The following SLC9A9 variants were observed in gnomAD, a reference collection of about 807,000 sequenced individuals.
SLC9A9 encodes sodium/hydrogen exchanger 9.
A neutral mutation model predicts 77.8 loss-of-function variants in SLC9A9; 62 were observed. That is an observed-to-expected ratio of 0.80 (90% CI 0.65 to 0.98). The LOEUF (loss-of-function observed/expected upper bound fraction) is 0.98. Ranked by LOEUF, SLC9A9 falls within the 50% of genes least tolerant of loss-of-function variation. The pLI, the probability that SLC9A9 is intolerant of heterozygous loss-of-function variation, is 0.00. For missense variants in SLC9A9, 775 were observed against 774.9 expected (o/e 1.00, Z 0.00); for synonymous variants, 320 against 283.5 (o/e 1.13, Z -1.29).
At chr3:143,657,128 GATTTTGC>G (rs1428734512) in intron 5 of SLC9A9, among the ~76,000 whole-genome samples, 1 of 152,124 alleles carries the variant, frequency 6.6e-6, no homozygotes, top group East Asian at 1.9e-4. Context: ...TGCATGGATT[GATTTTGC>G]CAGTCAAGCT....
chr3:143,542,385 T>C (rs961324793), intron 9 of SLC9A9, among the ~76,000 whole-genome samples: 4 of 152,234 alleles, frequency 2.6e-5, no homozygotes, highest in African/African-American at 9.6e-5. Context: ...CTATGCTTTA[T>C]GAAGATATCT....
rs545712949 is a variant in SLC9A9 at position 143,526,198 on chromosome 3, T to C, written c.1089+26164A>G. On this transcript the variant is annotated intron_variant, in intron 9 of 15. Transcript: ENST00000316549. ...TCAAACCACAGTCACATCTTCTTGT[T>C]TGGGGAAGATAGTGGGCAAAGCAGA... Among the ~76,000 whole-genome samples, 3 of 152,280 alleles carry C rather than the reference T, an allele frequency of 2.0e-5. No individual in the cohort carries two copies. The South Asian group carries it at 6.2e-4, about 32-fold the overall frequency.
intron 4 of SLC9A9, among the ~76,000 whole-genome samples, chr3:143,791,618 G>A (rs767581): frequency 0.011 from 1,689 of 152,222 alleles, 24 homozygotes; most frequent in African/African-American, 0.039. Flanking sequence ...CAACGTTCCT[G>A]GCACCCATCA....
intron 4 of SLC9A9, among the ~76,000 whole-genome samples, chr3:143,698,847 C>T (rs1015778401): frequency 3.4e-4 from 52 of 152,182 alleles, no homozygotes; most frequent in African/African-American, 1.2e-3. Context: ...AGAAAAGCCA[C>T]GTCCCTGACT....
chr3:143,493,888 G>A (rs2035791076), intron 10 of SLC9A9, 124 bp from the exon 11 acceptor site: 2 of 739,160 alleles, frequency 2.7e-6, no homozygotes, highest in Non-Finnish European at 4.8e-6. Flanking sequence ...AAATAAACAT[G>A]TCAATTCACA....
intron 9 of SLC9A9, among the ~76,000 whole-genome samples, chr3:143,542,040 G>A (rs1404198196): frequency 6.6e-6 from 1 of 152,180 alleles, no homozygotes. Flanking sequence ...ATATATGTTG[G>A]TCGTGGAGTA....
chr3:143,605,397 G>A (rs2037904523), intron 6 of SLC9A9, among the ~76,000 whole-genome samples: 1 of 152,190 alleles, frequency 6.6e-6, no homozygotes, highest in Admixed American at 6.5e-5. Context: ...TGGAACCCAG[G>A]AGAATGATGG....
chr3:143,414,752 A>G (rs1314050460), intron 12 of SLC9A9, among the ~76,000 whole-genome samples: 1 of 152,212 alleles, frequency 6.6e-6, no homozygotes, highest in Non-Finnish European at 1.5e-5. Flanking sequence ...TAAGCCAATT[A>G]ACATCACTAC....
chr3:143,557,587 C>T (rs2037009206), intron 8 of SLC9A9, among the ~76,000 whole-genome samples: 1 of 152,140 alleles, frequency 6.6e-6, no homozygotes, highest in African/African-American at 2.4e-5. Flanking sequence ...ATGACTTTGA[C>T]TAAAATGCTG....
intron 2 of SLC9A9, among the ~76,000 whole-genome samples, chr3:143,823,826 T>G (rs1348146357): frequency 6.6e-6 from 1 of 152,062 alleles, no homozygotes. Flanking sequence ...TGTCCATATC[T>G]TAGAGAATGG....
At chr3:143,798,604 T>A (rs1560084834) in intron 2 of SLC9A9, among the ~76,000 whole-genome samples, 1 of 152,168 alleles carries the variant, frequency 6.6e-6, no homozygotes, top group Non-Finnish European at 1.5e-5. Context: ...AATCTAAGCA[T>A]TTTATTTTCT....
chr3:143,592,660 T>C (rs2037671511), intron 6 of SLC9A9, among the ~76,000 whole-genome samples: 1 of 152,204 alleles, frequency 6.6e-6, no homozygotes, highest in South Asian at 2.1e-4. Flanking sequence ...GGTAACACCA[T>C]GAAGCATACA....
intron 2 of SLC9A9, among the ~76,000 whole-genome samples, chr3:143,827,275 A>T (rs998909544): frequency 1.3e-5 from 2 of 152,152 alleles, no homozygotes; most frequent in African/African-American, 4.8e-5. Flanking sequence ...CAATTTGACA[A>T]ATGGTGGTGG....
chr3:143,658,254 A>G (rs2038926322), intron 5 of SLC9A9, among the ~76,000 whole-genome samples: 1 of 152,212 alleles, frequency 6.6e-6, no homozygotes, highest in Non-Finnish European at 1.5e-5. Context: ...GATACCAAAA[A>G]TCTTGAGAAC....
At chr3:143,533,683 G>A (rs1460191886) in intron 9 of SLC9A9, among the ~76,000 whole-genome samples, 1 of 152,168 alleles carries the variant, frequency 6.6e-6, no homozygotes, top group African/African-American at 2.4e-5. Flanking sequence ...TTTTAAAAAT[G>A]TGTCTGAGAA....
At chr3:143,625,149 T>G (rs1369907647) in intron 6 of SLC9A9, among the ~76,000 whole-genome samples, 3 of 152,186 alleles carry the variant, frequency 2.0e-5, no homozygotes, top group African/African-American at 7.2e-5. Flanking sequence ...TCCATGCTCA[T>G]GTGTAGGAAG....
intron 14 of SLC9A9, among the ~76,000 whole-genome samples, chr3:143,354,032 G>A (rs555202696): frequency 9.2e-5 from 14 of 152,216 alleles, no homozygotes; most frequent in Middle Eastern, 3.4e-3. Flanking sequence ...AGGGTTTCAC[G>A]CTTGACTTCA....
intron 14 of SLC9A9, among the ~76,000 whole-genome samples, chr3:143,308,210 A>G (rs935949038): frequency 2.6e-5 from 4 of 152,170 alleles, no homozygotes; most frequent in Non-Finnish European, 4.4e-5. Context: ...ACGTATATAA[A>G]ATGGAGATGA....
chr3:143,324,757 G>A (rs1230443860), intron 14 of SLC9A9, among the ~76,000 whole-genome samples: 2 of 152,122 alleles, frequency 1.3e-5, no homozygotes, highest in East Asian at 1.9e-4. Flanking sequence ...AGGAAGACAA[G>A]GTTGCAGTGA....
Sources: gnomAD v4.1 joint callset for allele counts (sites outside exome capture counted in the v4.1 genomes callset) on GRCh38, gnomAD v4.1.1 for gene constraint, MANE v1.5 for transcripts, NCBI Gene and HGNC (gene_info 2026-07-23, HGNC 2026-07-21) for gene names.